Variants in SEMA3A observed in about 807,000 individuals in gnomAD.
SEMA3A encodes semaphorin 3A, also known as semaphorin-3A.
SEMA3A carries 29 observed loss-of-function variants against 97.9 expected under a neutral mutation model. That is an observed-to-expected ratio of 0.30 (90% CI 0.22 to 0.40). SEMA3A has a LOEUF of 0.40. SEMA3A is among the 10% of genes least tolerant of loss of function. The probability of loss-of-function intolerance (pLI) is 1.00; values close to 1 mark genes in which losing one functional copy is unlikely to be tolerated. For missense variants in SEMA3A, 763 were observed against 951.3 expected (o/e 0.80, Z 2.60); for synonymous variants, 321 against 323.7 (o/e 0.99, Z 0.09).
intron 1 of SEMA3A, among the ~76,000 whole-genome samples, chr7:84,145,802 A>G (rs2116092681): frequency 6.6e-6 from 1 of 152,232 alleles, no homozygotes; most frequent in East Asian, 1.9e-4. Flanking sequence ...AGTCACTGAC[A>G]TATAAATTAA....
chr7:84,340,517 G>A (rs113511358), intron 2 of SEMA3A, among the ~76,000 whole-genome samples: 3,454 of 152,076 alleles, frequency 0.023, 134 homozygotes, highest in African/African-American at 0.078. Flanking sequence ...AGTGGCTCAC[G>A]CCTGTAATCC....
At chr7:84,269,474 T>C (rs537025835) in intron 3 of SEMA3A, among the ~76,000 whole-genome samples, 80 of 152,156 alleles carry the variant, frequency 5.3e-4, no homozygotes, top group Non-Finnish European at 8.7e-4. Flanking sequence ...TATAGGGACC[T>C]AGGAGATAAT....
chr7:84,155,398 G>A (rs962443100), intron 1 of SEMA3A, among the ~76,000 whole-genome samples: 1 of 152,044 alleles, frequency 6.6e-6, no homozygotes, highest in East Asian at 1.9e-4. Flanking sequence ...CTAGTCCACC[G>A]CTTCCACATT....
At chr7:84,021,339 C>T (rs371853297) in intron 6 of SEMA3A, among the ~76,000 whole-genome samples, 1 of 152,152 alleles carries the variant, frequency 6.6e-6, no homozygotes, top group South Asian at 2.1e-4. Context: ...TCTGCATTTT[C>T]ATATTTGTCT....
At chr7:84,192,138 T>C (rs1326825270) in intron 1 of SEMA3A, among the ~76,000 whole-genome samples, 1 of 151,912 alleles carries the variant, frequency 6.6e-6, no homozygotes, top group African/African-American at 2.4e-5. Context: ...TCTTCATGAA[T>C]CATGCTGGAA....
chr7:84,171,798 T>C (rs968794951), intron 1 of SEMA3A, among the ~76,000 whole-genome samples: 2 of 151,970 alleles, frequency 1.3e-5, no homozygotes, highest in African/African-American at 4.8e-5. Flanking sequence ...ATGCTAAATA[T>C]TTTAAACTTT....
chr7:84,152,211 T>G (rs1796693700), intron 1 of SEMA3A, among the ~76,000 whole-genome samples: 1 of 151,446 alleles, frequency 6.6e-6, no homozygotes, highest in Non-Finnish European at 1.5e-5. Context: ...CAAAGGACAA[T>G]AAATCATGCT....
chr7:84,139,106 A>C (rs2116063728), intron 1 of SEMA3A, among the ~76,000 whole-genome samples: 1 of 152,262 alleles, frequency 6.6e-6, no homozygotes, highest in South Asian at 2.1e-4. Flanking sequence ...CAATGACATA[A>C]ACTGCTATGG....
At chr7:84,081,580 G>A (rs1794163445) in intron 4 of SEMA3A, among the ~76,000 whole-genome samples, 1 of 141,378 alleles carries the variant, frequency 7.1e-6, no homozygotes, top group Non-Finnish European at 1.5e-5. Flanking sequence ...GCGACAGAGC[G>A]AGACTCCGTC....
Position 84,049,601 on chromosome 7 carries a change from A to G in SEMA3A, c.548-3158T>C, listed in dbSNP as rs548265308. Among the ~76,000 whole-genome samples, 120 of 152,200 alleles carry G rather than the reference A, an allele frequency of 7.9e-4. 1 individual carries two copies. The highest frequency in any genetic ancestry group is 1.5e-3 in the Non-Finnish European group (102 of 68,002). ...AAATTTACAGTACCTCAGTTGGCTT[A>G]TTTTGGAGAATAGATATATTTTTTA... On this transcript the variant is annotated intron_variant, in intron 5 of 16. Coordinates refer to ENST00000265362, the MANE Select transcript of SEMA3A (RefSeq NM_006080.3).
chr7:84,322,058 T>C (rs1801662624), intron 2 of SEMA3A, among the ~76,000 whole-genome samples: 1 of 151,394 alleles, frequency 6.6e-6, no homozygotes, highest in South Asian at 2.1e-4. Context: ...GGAGAATGAA[T>C]GCAAGTAGGG....
intron 3 of SEMA3A, among the ~76,000 whole-genome samples, chr7:84,122,102 C>T (rs1795636688): frequency 6.6e-6 from 1 of 151,774 alleles, no homozygotes; most frequent in African/African-American, 2.4e-5. Flanking sequence ...GCCACACTGA[C>T]TTCCACAATG....
chr7:84,205,996 A>G (rs1798483612), intron 3 of SEMA3A, among the ~76,000 whole-genome samples: 1 of 152,170 alleles, frequency 6.6e-6, no homozygotes, highest in African/African-American at 2.4e-5. Flanking sequence ...CCAGGATGAA[A>G]ATAAAGACCC....
chr7:83,988,895 T>G (rs376031414), intron 12 of SEMA3A, among the ~76,000 whole-genome samples: 1 of 150,940 alleles, frequency 6.6e-6, no homozygotes, highest in East Asian at 2.0e-4. Context: ...AGTCTCGCTG[T>G]TGCCCAGGCT....
At chr7:84,309,010 G>T (rs1211744761) in intron 2 of SEMA3A, among the ~76,000 whole-genome samples, 1 of 151,888 alleles carries the variant, frequency 6.6e-6, no homozygotes. Context: ...TATAGACGGG[G>T]TTTCATCATG....
intron 1 of SEMA3A, among the ~76,000 whole-genome samples, chr7:84,473,965 G>C (rs536648716): frequency 6.6e-6 from 1 of 152,264 alleles, no homozygotes; most frequent in South Asian, 2.1e-4. Flanking sequence ...TCAGGATCTT[G>C]TTGAAGATCT....
chr7:84,359,800 T>C (rs1802663800), intron 2 of SEMA3A, among the ~76,000 whole-genome samples: 1 of 152,148 alleles, frequency 6.6e-6, no homozygotes, highest in East Asian at 1.9e-4. Context: ...CTATTAATTA[T>C]TGCCTCAATT....
intron 2 of SEMA3A, among the ~76,000 whole-genome samples, chr7:84,361,490 G>A (rs1021815649): frequency 1.3e-5 from 2 of 151,950 alleles, no homozygotes; most frequent in African/African-American, 4.8e-5. Flanking sequence ...TGTTTATAAT[G>A]CAAATAAATA....
At chr7:84,145,441 AAAGT>A (rs1322625379) in intron 1 of SEMA3A, among the ~76,000 whole-genome samples, 2 of 152,194 alleles carry the variant, frequency 1.3e-5, no homozygotes, top group African/African-American at 4.8e-5. Context: ...AAATTTAGAA[AAAGT>A]AAATATAAAA....
Sources: gnomAD v4.1 joint callset for allele counts (sites outside exome capture counted in the v4.1 genomes callset) on GRCh38, gnomAD v4.1.1 for gene constraint, MANE v1.5 for transcripts, NCBI Gene and HGNC (gene_info 2026-07-23, HGNC 2026-07-21) for gene names.